PRKD1: variants seen among roughly 807,000 people sequenced by gnomAD.
PRKD1 encodes serine/threonine-protein kinase D1.
PRKD1 carries 63 observed loss-of-function variants against 95.9 expected under a neutral mutation model. That is an observed-to-expected ratio of 0.66 (90% confidence interval 0.54 to 0.81). The LOEUF (loss-of-function observed/expected upper bound fraction) is 0.81, where lower values mean the gene tolerates loss of function less well. Among genes scored for constraint, PRKD1 ranks in the 30% least tolerant of loss-of-function variants. PRKD1 has a pLI of 0.00. For missense variants in PRKD1, 1,048 were observed against 1,165.3 expected (o/e 0.90, Z 1.47); for synonymous variants, 425 against 423.1 (o/e 1.00, Z -0.05).
intron 1 of PRKD1, among the ~76,000 whole-genome samples, chr14:29,887,236 T>C (rs1256295852): frequency 2.6e-5 from 4 of 152,306 alleles, no homozygotes; most frequent in Admixed American, 1.3e-4. Flanking sequence ...ATGAATTAAC[T>C]ATATGGCACA....
At chr14:29,785,175 A>C (rs1352651009) in intron 1 of PRKD1, among the ~76,000 whole-genome samples, 1 of 152,174 alleles carries the variant, frequency 6.6e-6, no homozygotes, top group Admixed American at 6.5e-5. Flanking sequence ...TGAGGCATAA[A>C]ACCCAACCTG....
chr14:29,589,849 A>C (rs1893065478), intron 16 of PRKD1, among the ~76,000 whole-genome samples: 1 of 152,164 alleles, frequency 6.6e-6, no homozygotes, highest in East Asian at 1.9e-4. Flanking sequence ...AAAGCCTCTT[A>C]TATCTCATTA....
intron 1 of PRKD1, among the ~76,000 whole-genome samples, chr14:29,876,334 C>T (rs1893288460): frequency 6.6e-6 from 1 of 152,042 alleles, no homozygotes; most frequent in Admixed American, 6.5e-5. Context: ...AACCAGGGAT[C>T]AAGAGTTTGC....
intron 1 of PRKD1, among the ~76,000 whole-genome samples, chr14:29,731,431 T>C (rs1360320526): frequency 1.3e-5 from 2 of 152,206 alleles, no homozygotes; most frequent in Non-Finnish European, 2.9e-5. Flanking sequence ...GGGTGGCAAG[T>C]TCTATAAATA....
chr14:29,883,556 A>G (rs988741116), intron 1 of PRKD1, among the ~76,000 whole-genome samples: 21 of 152,234 alleles, frequency 1.4e-4, no homozygotes, highest in African/African-American at 4.6e-4. Flanking sequence ...TGTTCTAAAA[A>G]TGCATATTCA....
intron 2 of PRKD1, among the ~76,000 whole-genome samples, chr14:29,683,002 G>A (rs752247242): frequency 2.6e-5 from 4 of 152,144 alleles, no homozygotes; most frequent in African/African-American, 7.2e-5. Context: ...AGGCCTGGGT[G>A]CCTGCTTAAA....
chr14:29,720,437 A>G (rs1317475868), intron 2 of PRKD1, among the ~76,000 whole-genome samples: 1 of 152,114 alleles, frequency 6.6e-6, no homozygotes, highest in Non-Finnish European at 1.5e-5. Flanking sequence ...ACTGTATGAT[A>G]CTTTCATCTA....
chr14:29,782,287 C>A (rs1271718089), intron 1 of PRKD1, among the ~76,000 whole-genome samples: 2 of 152,118 alleles, frequency 1.3e-5, no homozygotes, highest in Non-Finnish European at 2.9e-5. Context: ...TCCGGTCTGA[C>A]TCACAAATGC....
chr14:29,769,306 C>T (rs982360456), intron 1 of PRKD1, among the ~76,000 whole-genome samples: 8 of 152,032 alleles, frequency 5.3e-5, no homozygotes, highest in Non-Finnish European at 1.0e-4. Context: ...TGGTGGCTCA[C>T]ACCTGTAATC....
intron 17 of PRKD1, 33 bp downstream of exon 17, chr14:29,578,242 T>C (rs756150270): frequency 6.8e-7 from 1 of 1,462,580 alleles, no homozygotes; most frequent in Non-Finnish European, 9.4e-7. Context: ...TAGAAGCTCA[T>C]TCAACTAAGA....
At position 29,778,933 on chromosome 14, in the gene PRKD1, T is replaced by C. The variant is rs192071736; in HGVS notation, c.265-53259A>G. On this transcript the variant is annotated intron_variant, in intron 1 of 17. Coordinates refer to ENST00000331968, the MANE Select transcript of PRKD1 (RefSeq NM_002742.3). ...ATCCAGCAGCACATCAAAAAGCTTATCCACCATGATCAAGTGAGATTCATC... is the reference window on the plus strand; with the variant it reads ...ATCCAGCAGCACATCAAAAAGCTTACCCACCATGATCAAGTGAGATTCATC... Among the ~76,000 whole-genome samples, 4 of 152,272 alleles carry C rather than the reference T, an allele frequency of 2.6e-5. No individual in the cohort carries two copies. The East Asian group carries it at 7.7e-4, about 29-fold the overall frequency.
intron 1 of PRKD1, among the ~76,000 whole-genome samples, chr14:29,844,433 C>T (rs1566632470): frequency 1.3e-5 from 2 of 151,972 alleles, no homozygotes; most frequent in Non-Finnish European, 1.5e-5. Flanking sequence ...AAAGAGTGAA[C>T]CAATTCAACA....
chr14:29,817,741 G>A (rs1275111987), intron 1 of PRKD1, among the ~76,000 whole-genome samples: 1 of 152,080 alleles, frequency 6.6e-6, no homozygotes, highest in East Asian at 1.9e-4. Flanking sequence ...ATGCTCACAA[G>A]TGCCTTATTC....
intron 16 of PRKD1, among the ~76,000 whole-genome samples, chr14:29,595,440 C>G (rs1201202042): frequency 1.3e-5 from 2 of 152,108 alleles, no homozygotes; most frequent in Admixed American, 1.3e-4. Flanking sequence ...TCACATAACT[C>G]GTCTCCCCAA....
intron 2 of PRKD1, among the ~76,000 whole-genome samples, chr14:29,703,747 C>T (rs1170999874): frequency 6.6e-6 from 1 of 152,078 alleles, no homozygotes; most frequent in Non-Finnish European, 1.5e-5. Context: ...ACTAATCAGT[C>T]ATGCAAACAT....
chr14:29,632,459 T>C (rs1285527898), intron 9 of PRKD1, among the ~76,000 whole-genome samples: 1 of 152,108 alleles, frequency 6.6e-6, no homozygotes, highest in African/African-American at 2.4e-5. Context: ...TCTTTGTGAA[T>C]ATTGACAAGC....
intron 13 of PRKD1, among the ~76,000 whole-genome samples, chr14:29,617,884 T>C (rs1367332927): frequency 6.7e-6 from 1 of 149,884 alleles, no homozygotes; most frequent in Non-Finnish European, 1.5e-5. Context: ...CTGGGTAACA[T>C]AGAGAGGCTC....
At chr14:29,862,775 CAG>C (rs1892754883) in intron 1 of PRKD1, among the ~76,000 whole-genome samples, 1 of 152,104 alleles carries the variant, frequency 6.6e-6, no homozygotes, top group African/African-American at 2.4e-5. Flanking sequence ...AATCCTTTGT[CAG>C]ATGGGTCATT....
chr14:29,597,657 C>T lies in PRKD1; in HGVS notation c.2268G>A (p.Arg756=), dbSNP rs761766395. 8 of 1,614,030 alleles carry T rather than the reference C, an allele frequency of 5.0e-6. No individual in the cohort carries two copies. In the East Asian group the frequency reaches 1.8e-4, roughly 36 times the overall value. The change falls in exon 16 of 18, where the codon AGG becomes AGA. Residue 756 remains arginine (R), a synonymous_variant. Transcript: ENST00000331968. ...TPAYLAPEVL[R]NKGYNRSLDM... is the part of the protein sequence containing the mutation. ...CTAGAGAGCGATTGTAGCCCTTGTT[C>T]CTTAGGACCTCAGGAGCCAGGTAAG...
Sources: allele counts gnomAD v4.1 joint callset (sites outside exome capture counted in the v4.1 genomes callset), GRCh38; gene constraint gnomAD v4.1.1; transcripts MANE v1.5; gene names NCBI Gene and HGNC (gene_info 2026-07-23, HGNC 2026-07-21).